The following FTO variants were observed in gnomAD, a reference collection of about 807,000 sequenced individuals.
The protein encoded by FTO is alpha-ketoglutarate-dependent dioxygenase FTO.
Under a neutral mutation model 63.9 loss-of-function variants are expected in FTO, and 47 were observed. The observed-to-expected ratio is 0.74, with a 90% CI of 0.58 to 0.94. The LOEUF is 0.94. FTO is among the 40% of genes least tolerant of loss of function. The probability of loss-of-function intolerance (pLI) is 0.00; values close to 1 mark genes in which losing one functional copy is unlikely to be tolerated. For missense variants in FTO, 562 were observed against 618.1 expected (o/e 0.91, Z 0.96); for synonymous variants, 207 against 224.4 (o/e 0.92, Z 0.69).
At chr16:54,039,119 G>A (rs1415858633) in intron 8 of FTO, among the ~76,000 whole-genome samples, 2 of 152,162 alleles carry the variant, frequency 1.3e-5, no homozygotes, top group Non-Finnish European at 2.9e-5. Flanking sequence ...AGAATTTCAG[G>A]GAAGGGATCA....
At chr16:53,721,877 A>C (rs1453218306) in intron 1 of FTO, among the ~76,000 whole-genome samples, 2 of 152,122 alleles carry the variant, frequency 1.3e-5, no homozygotes, top group Non-Finnish European at 2.9e-5. Context: ...AAAAAGTATA[A>C]TTTTTTGAAA....
At chr16:53,709,771 C>A (rs1390512757) in intron 1 of FTO, among the ~76,000 whole-genome samples, 1 of 152,154 alleles carries the variant, frequency 6.6e-6, no homozygotes, top group Non-Finnish European at 1.5e-5. Flanking sequence ...CCATATATAT[C>A]CACATGAACA....
intron 3 of FTO, among the ~76,000 whole-genome samples, chr16:53,836,301 TATC>T (rs1417844940): frequency 1.3e-5 from 2 of 152,194 alleles, no homozygotes; most frequent in East Asian, 1.9e-4. Context: ...AAATGAAACA[TATC>T]AGCGTCCTAG....
Position 54,079,730 on chromosome 16 carries a change from C to A in FTO, c.1365-32032C>A, listed in dbSNP as rs545867223. ...AGCCTGGACGAGTTTCAAACTGGAA[C>A]GTGTATGTCCTATCTAAGGAGGCAG... On this transcript the variant is annotated intron_variant, in intron 8 of 8. Transcript: ENST00000471389. Among the ~76,000 whole-genome samples, 19 of 152,216 alleles carry A rather than the reference C, an allele frequency of 1.2e-4. 1 individual carries two copies. In the South Asian group the frequency reaches 3.7e-3, roughly 30 times the overall value.
chr16:54,029,926 C>T (rs1477092), intron 8 of FTO, among the ~76,000 whole-genome samples: 81,841 of 152,106 alleles, frequency 0.54, 24,758 homozygotes, highest in African/African-American at 0.82. Context: ...TGTTTGTCAA[C>T]TGCTGCCAAA....
intron 5 of FTO, among the ~76,000 whole-genome samples, chr16:53,878,823 C>T (rs893880715): frequency 3.3e-5 from 5 of 152,206 alleles, no homozygotes; most frequent in African/African-American, 1.2e-4. Context: ...GAGGGATGAA[C>T]TAGTTATCTG....
At chr16:53,745,326 C>T (rs1031574273) in intron 1 of FTO, among the ~76,000 whole-genome samples, 2 of 152,156 alleles carry the variant, frequency 1.3e-5, no homozygotes, top group African/African-American at 4.8e-5. Flanking sequence ...TGGGGCATTG[C>T]GAGCCAAAGC....
At chr16:53,864,065 T>C (rs1264572415) in intron 4 of FTO, among the ~76,000 whole-genome samples, 1 of 152,180 alleles carries the variant, frequency 6.6e-6, no homozygotes, top group Non-Finnish European at 1.5e-5. Context: ...AACCTTCCCC[T>C]CCCCCTTTCA....
rs762685886 is a variant in FTO at position 53,894,954 on chromosome 16, G to A, written c.1239+6003G>A. ...AGGCACTGAGTTTTAGGACCTTTAC[G>A]TTTAGCTTTGAAAATCTGGAAAAAC... On this transcript the variant is annotated intron_variant, in intron 7 of 8. Coordinates refer to ENST00000471389, the MANE Select transcript of FTO (RefSeq NM_001080432.3). Among the ~76,000 whole-genome samples, 35 of 152,184 alleles carry A rather than the reference G, an allele frequency of 2.3e-4. No homozygotes were observed. In the Middle Eastern group the frequency reaches 0.01, roughly 44 times the overall value.
intron 1 of FTO, among the ~76,000 whole-genome samples, chr16:53,793,449 G>C (rs1567991567): frequency 6.6e-6 from 1 of 152,066 alleles, no homozygotes; most frequent in African/African-American, 2.4e-5. Flanking sequence ...TTTTGTACTT[G>C]TTTTTATTTA....
intron 1 of FTO, among the ~76,000 whole-genome samples, chr16:53,784,147 A>G (rs2077669738): frequency 6.6e-6 from 1 of 152,226 alleles, no homozygotes; most frequent in Non-Finnish European, 1.5e-5. Flanking sequence ...TTGATATTCT[A>G]TATTCATAGC....
chr16:53,818,649 C>G (rs922837644), intron 2 of FTO, among the ~76,000 whole-genome samples: 16 of 150,070 alleles, frequency 1.1e-4, no homozygotes, highest in Admixed American at 9.3e-4. Context: ...ATCTTTTTAT[C>G]CAATTTTTTT....
chr16:53,862,804 CA>C (rs2080213514), intron 4 of FTO, among the ~76,000 whole-genome samples: 1 of 152,138 alleles, frequency 6.6e-6, no homozygotes, highest in East Asian at 1.9e-4. Flanking sequence ...CTTGGACTCC[CA>C]AAGTGCTGGG....
intron 7 of FTO, among the ~76,000 whole-genome samples, chr16:53,913,242 C>T (rs552381981): frequency 3.2e-4 from 49 of 152,188 alleles, no homozygotes; most frequent in Non-Finnish European, 6.3e-4. Flanking sequence ...GGTGATTACC[C>T]CACAGTTTGG....
chr16:53,817,785 G>C (rs371528483), intron 2 of FTO, among the ~76,000 whole-genome samples: 13 of 152,316 alleles, frequency 8.5e-5, no homozygotes, highest in African/African-American at 3.1e-4. Flanking sequence ...TCTCCAGAGA[G>C]CTTAGCTTTC....
intron 5 of FTO, among the ~76,000 whole-genome samples, chr16:53,875,929 T>C (rs1293786801): frequency 6.6e-6 from 1 of 152,214 alleles, no homozygotes; most frequent in Admixed American, 6.5e-5. Flanking sequence ...CCTCAGTCGA[T>C]CCACCCACCT....
chr16:53,820,821 GGA>G (rs2078844699), intron 2 of FTO, among the ~76,000 whole-genome samples: 1 of 152,148 alleles, frequency 6.6e-6, no homozygotes, highest in Non-Finnish European at 1.5e-5. Context: ...AATGACCCAG[GGA>G]TGGGAAGGAC....
chr16:54,110,353 C>T (rs2086854911), intron 8 of FTO, among the ~76,000 whole-genome samples: 1 of 152,152 alleles, frequency 6.6e-6, no homozygotes, highest in Admixed American at 6.5e-5. Context: ...GCCCCGGGGT[C>T]AGCTAATCTT....
intron 7 of FTO, among the ~76,000 whole-genome samples, chr16:53,889,198 A>G (rs2081085215): frequency 6.6e-6 from 1 of 152,220 alleles, no homozygotes; most frequent in Non-Finnish European, 1.5e-5. Context: ...TGGTGATAAG[A>G]GGATAACAAT....
Sources: gnomAD v4.1 joint callset for allele counts (sites outside exome capture counted in the v4.1 genomes callset) on GRCh38, gnomAD v4.1.1 for gene constraint, MANE v1.5 for transcripts, NCBI Gene and HGNC (gene_info 2026-07-23, HGNC 2026-07-21) for gene names.